The following KPNA7 variants were observed in gnomAD, a reference collection of about 807,000 sequenced individuals.
KPNA7 encodes karyopherin subunit alpha 7, also known as importin subunit alpha-8.
Under a neutral mutation model 53.7 loss-of-function variants are expected in KPNA7, and 54 were observed. The ratio of observed to expected loss-of-function variants is 1.01; its 90% CI spans 0.81 to 1.26. The LOEUF (loss-of-function observed/expected upper bound fraction) is 1.26, where lower values mean the gene tolerates loss of function less well. KPNA7 is among the 50% of genes most tolerant of loss of function. KPNA7 has a pLI of 0.00. For missense variants in KPNA7, 640 were observed against 644.5 expected (o/e 0.99, Z 0.07); for synonymous variants, 276 against 259.3 (o/e 1.06, Z -0.62).
chr7:99,157,556 C>T, the KPNA7 span, among the ~76,000 whole-genome samples: 1 of 152,150 alleles, frequency 6.6e-6, no homozygotes, highest in African/African-American at 2.4e-5. Context: ...AATGGGAGCC[C>T]AGGTTGATTT....
At chr7:99,196,453 A>C (rs1790234322) in intron 3 of KPNA7, among the ~76,000 whole-genome samples, 1 of 152,198 alleles carries the variant, frequency 6.6e-6, no homozygotes, top group Admixed American at 6.5e-5. Context: ...ACAAAATGGC[A>C]GACTAAGGAC....
At chr7:99,204,109 G>T (rs1469369293) in intron 2 of KPNA7, among the ~76,000 whole-genome samples, 1 of 152,120 alleles carries the variant, frequency 6.6e-6, no homozygotes, top group African/African-American at 2.4e-5. Flanking sequence ...GCTGGGCATG[G>T]TATCTCGTGC....
At chr7:99,210,215 T>C (rs944982312), upstream of KPNA7, among the ~76,000 whole-genome samples, 59 of 152,146 alleles carry the variant, frequency 3.9e-4, no homozygotes, top group Non-Finnish European at 3.1e-4. Context: ...TTCATTGTAC[T>C]CGGGCCTTTG....
intron 6 of KPNA7, 45 bp from the exon 7 acceptor site, chr7:99,188,608 A>G (rs1451720061): frequency 6.5e-7 from 1 of 1,531,686 alleles, no homozygotes; most frequent in African/African-American, 1.4e-5. Context: ...AAAGGAGAGA[A>G]AATGCAAACA....
At chr7:99,210,620 C>T (rs1375006989), upstream of KPNA7, among the ~76,000 whole-genome samples, 7 of 151,986 alleles carry the variant, frequency 4.6e-5, no homozygotes, top group Admixed American at 6.6e-5. Flanking sequence ...AGTCTTGCTC[C>T]GTTGCCCAGG....
At chr7:99,156,926 C>T in the KPNA7 span, among the ~76,000 whole-genome samples, 1 of 124,932 alleles carries the variant, frequency 8.0e-6, no homozygotes, top group Admixed American at 8.9e-5. Context: ...GATGGTAAGC[C>T]TCCTGAATTG....
At chr7:99,181,272 C>G (rs1421830274) in intron 9 of KPNA7, among the ~76,000 whole-genome samples, 2 of 152,034 alleles carry the variant, frequency 1.3e-5, no homozygotes, top group Non-Finnish European at 2.9e-5. Flanking sequence ...CAGCCACTCC[C>G]CACCCTGAAC....
chr7:99,210,461 T>C (rs117334864), upstream of KPNA7, among the ~76,000 whole-genome samples: 1,997 of 152,230 alleles, frequency 0.013, 21 homozygotes, highest in Non-Finnish European at 0.022. Context: ...ACAAAGTAGG[T>C]ACTCAAATAT....
At chr7:99,217,652 A>C (rs1791248781) in intron 1 of KPNA7, among the ~76,000 whole-genome samples, 1 of 101,106 alleles carries the variant, frequency 9.9e-6, no homozygotes, top group East Asian at 3.3e-4. Flanking sequence ...TTTTTTTGAG[A>C]CAGAGTCTTG....
At chr7:99,159,144 C>T in the KPNA7 span, among the ~76,000 whole-genome samples, 50 of 151,844 alleles carry the variant, frequency 3.3e-4, no homozygotes, top group African/African-American at 1.2e-3. Flanking sequence ...GGATTACATG[C>T]GTGAGCCACC....
chr7:99,171,437 TCC>T (rs1798767546), downstream of KPNA7, among the ~76,000 whole-genome samples: 1 of 1,448 alleles, frequency 6.9e-4, no homozygotes, highest in Non-Finnish European at 5.4e-3. Context: ...CATGCCTACC[TCC>T]TCATGCGATC....
intron 10 of KPNA7, among the ~76,000 whole-genome samples, chr7:99,177,494 G>A (rs1798948443): frequency 7.1e-6 from 1 of 140,486 alleles, no homozygotes; most frequent in Admixed American, 7.9e-5. Flanking sequence ...AGAATCAACT[G>A]AATCTGGAAG....
intron 1 of KPNA7, among the ~76,000 whole-genome samples, chr7:99,217,867 G>A (rs1791252040): frequency 6.6e-6 from 1 of 152,080 alleles, no homozygotes; most frequent in African/African-American, 2.4e-5. Flanking sequence ...CTGGCCTCAA[G>A]CAACCCACGC....
At chr7:99,183,326 A>G (rs561347669) in intron 8 of KPNA7, among the ~76,000 whole-genome samples, 1 of 152,286 alleles carries the variant, frequency 6.6e-6, no homozygotes, top group East Asian at 1.9e-4. Context: ...GGAGGAATTT[A>G]TCTTCTATTC....
chr7:99,201,224 G>A (rs1003433786), intron 3 of KPNA7, among the ~76,000 whole-genome samples: 1 of 152,144 alleles, frequency 6.6e-6, no homozygotes, highest in Admixed American at 6.6e-5. Flanking sequence ...ACTCCTGAAT[G>A]ACTGGAGTTT....
the KPNA7 span, among the ~76,000 whole-genome samples, chr7:99,154,709 A>G: frequency 6.6e-6 from 1 of 151,148 alleles, no homozygotes; most frequent in African/African-American, 2.4e-5. Context: ...TCGTATTTTT[A>G]GTAGACAGGG....
At chr7:99,200,704 G>A (rs1041872438) in intron 3 of KPNA7, among the ~76,000 whole-genome samples, 5 of 152,076 alleles carry the variant, frequency 3.3e-5, no homozygotes, top group African/African-American at 7.2e-5. Flanking sequence ...GGCCAGACAC[G>A]GTGGCTCACA....
At chr7:99,167,642 TTTTTTTTTTTG>T in the KPNA7 span, among the ~76,000 whole-genome samples, 2 of 68,996 alleles carry the variant, frequency 2.9e-5, no homozygotes, top group African/African-American at 1.3e-4. Flanking sequence ...TTTTTTTTTT[TTTTTTTTTTTG>T]CATTTTTAGT....
At chr7:99,172,635 T>C (rs901999383), downstream of KPNA7, among the ~76,000 whole-genome samples, 4 of 152,130 alleles carry the variant, frequency 2.6e-5, no homozygotes, top group African/African-American at 9.7e-5. Context: ...CTAGGAAGAA[T>C]AAGAGAGATT....
Sources: allele counts gnomAD v4.1 joint callset (sites outside exome capture counted in the v4.1 genomes callset), GRCh38; gene constraint gnomAD v4.1.1; transcripts MANE v1.5; gene names NCBI Gene and HGNC (gene_info 2026-07-23, HGNC 2026-07-21).